KLHDC8A: variants seen among roughly 807,000 people sequenced by gnomAD.
KLHDC8A encodes the protein kelch domain containing 8A, also known as kelch domain-containing protein 8A.
A neutral mutation model predicts 33.1 loss-of-function variants in KLHDC8A; 21 were observed. The observed-to-expected ratio is 0.64, with a 90% CI of 0.45 to 0.91. The LOEUF is 0.91. Among genes scored for constraint, KLHDC8A ranks in the 40% least tolerant of loss-of-function variants. The pLI, the probability that KLHDC8A is intolerant of heterozygous loss-of-function variation, is 0.00. For missense variants in KLHDC8A, 435 were observed against 483.3 expected, an observed-to-expected ratio of 0.90 and a Z score of 0.94; for synonymous variants, 173 against 193.5, an observed-to-expected ratio of 0.89 and a Z score of 0.88.
rs766419067 is a variant in KLHDC8A at position 205,337,468 on chromosome 1, G to T, written c.984C>A (p.Leu328=). ...ACSSIVVKNC[L]LAVGGVNQGL... is the part of the protein sequence containing the mutation. Reference sequence around the variant, plus strand: ...CCTGGTTGACACCTCCCACGGCGAGGAGGCAGTTCTTGACGACTATGCTGG... The same window carrying T: ...CCTGGTTGACACCTCCCACGGCGAGTAGGCAGTTCTTGACGACTATGCTGG... Residue 328 remains leucine, a synonymous_variant, in exon 6 of 6, where the codon CTC becomes CTA. Transcript: ENST00000367155. The T allele has an allele frequency of 3.7e-6, 6 of 1,613,948 alleles. No homozygotes were observed. The Admixed American group carries it at 6.7e-5, about 18-fold the overall frequency.
rs1662718933 is a variant in KLHDC8A at position 205,339,213 on chromosome 1, G to A, written c.738C>T (p.Asp246=). The A allele has an allele frequency of 1.9e-6, 3 of 1,614,080 alleles. No individual in the cohort carries two copies. The highest frequency in any genetic ancestry group is 2.5e-6 in the Non-Finnish European group (3 of 1,179,982). Residue 246 remains aspartate (D), a synonymous_variant, in exon 4 of 6, where the codon GAC becomes GAT. Transcript: ENST00000367155. This position sits in a 1 kb window ranked among gnomAD's most constrained non-coding sequence, Gnocchi z 5.1. The stretch of plus-strand genomic sequence containing the variant: ...GCTCACCCTGTTCCATGTCGAACAC[G>A]TCCATCGTCCGCAGGAACTTGGGCT... ...YRQPKFLRTM[D]VFDMEQGGWL...
At position 205,337,040 on chromosome 1, in the gene KLHDC8A, TCCTCTCGGTC is replaced by T; in HGVS notation, c.*349_*358del. The T allele has an allele frequency of 4.0e-6, 1 of 252,020 alleles. No individual in the cohort carries two copies. Among genetic ancestry groups the T allele is most frequent in the Non-Finnish European group, 7.8e-6 (1 of 128,938 alleles). The allele number at this position is 252,020 out of a possible 1,614,324, so 15.6% of individuals were successfully genotyped here. On this transcript the variant is annotated 3_prime_UTR_variant, in exon 6 of 6. Transcript: ENST00000367155. ...GGGGAAAGACAGCAACAGCAGTCTA[TCCTCTCGGTC>T]AGAACTGCTCTACCTGCCTCCTGGA...
Position 205,338,488 on chromosome 1 carries a change from T to C in KLHDC8A, c.859+7A>G. 1 of 1,607,796 alleles carries C rather than the reference T, an allele frequency of 6.2e-7. No homozygotes were observed. ...AATAAATTCCAGCGTGAAAGCGCCA[T>C]CCTTACCAAGTCCCCCAGCCACTAT... On this transcript the variant is annotated splice_region_variant and intron_variant, in intron 5 of 5. Transcript: ENST00000367155.
intron 1 of KLHDC8A, among the ~76,000 whole-genome samples, chr1:205,355,721 T>C (rs1663248652): frequency 6.6e-6 from 1 of 152,146 alleles, no homozygotes; most frequent in Admixed American, 6.5e-5. Flanking sequence ...AGAGGTTAAA[T>C]GACTTGCCCA....
intron 2 of KLHDC8A, among the ~76,000 whole-genome samples, chr1:205,340,348 C>T (rs1027066471): frequency 1.3e-5 from 2 of 152,202 alleles, no homozygotes; most frequent in Admixed American, 1.3e-4. Context: ...TACGACTACA[C>T]GCCCTAGTCT....
In KLHDC8A at chr1:205,351,607, A is replaced by G. The variant is rs1260374288; in HGVS notation, c.-190+4926T>C. The G allele has an allele frequency of 1.1e-5, 4 of 372,128 alleles. No individual in the cohort carries two copies. In the East Asian group the frequency reaches 2.3e-4, roughly 21 times the overall value. The allele number at this position is 372,128 out of a possible 1,614,324, so 23.1% of individuals were successfully genotyped here. ...AAATAAACTTCTGTAATAGTCAAAA[A>G]AAAAAAAAAAAAAAAGAGGAGGCTT... On this transcript the variant is annotated intron_variant, in intron 1 of 5. Coordinates refer to ENST00000367155, the MANE Select transcript of KLHDC8A (RefSeq NM_018203.3).
chr1:205,346,433 C>T (rs757362660), intron 1 of KLHDC8A, among the ~76,000 whole-genome samples: 2 of 152,210 alleles, frequency 1.3e-5, no homozygotes, highest in Non-Finnish European at 2.9e-5. Context: ...TCTACCAAAG[C>T]AGTGAGGCCA....
Position 205,337,088 on chromosome 1 carries a change from G to A in KLHDC8A, c.*311C>T, listed in dbSNP as rs1159819326. 3 of 354,742 alleles carry A rather than the reference G, an allele frequency of 8.5e-6. No homozygotes were observed. Among genetic ancestry groups the A allele is most frequent in the African/African-American group, 2.2e-5 (1 of 46,428 alleles). 22.0% of individuals were successfully genotyped at this position (354,742 alleles called of 1,614,324 possible). On this transcript the variant is annotated 3_prime_UTR_variant, in exon 6 of 6. Coordinates refer to ENST00000367155, the MANE Select transcript of KLHDC8A (RefSeq NM_018203.3). ...CCTGCCTCCTGGAGATGGGGGTGGG[G>A]GGAGGTGGGACTCACAGGAGGGAGA...
At chr1:205,344,466 G>C (rs1662891745) in intron 1 of KLHDC8A, 1 of 152,322 alleles carries the variant, frequency 6.6e-6, no homozygotes, top group Non-Finnish European at 1.5e-5. Context: ...TGTCTACAGG[G>C]GGTCAAGGAA....
chr1:205,351,072 G>T (rs1270504502), intron 1 of KLHDC8A, among the ~76,000 whole-genome samples: 1 of 152,212 alleles, frequency 6.6e-6, no homozygotes, highest in African/African-American at 2.4e-5. Context: ...GAAGACAAAA[G>T]CTCATTTGTT....
intron 1 of KLHDC8A, among the ~76,000 whole-genome samples, chr1:205,355,749 C>A (rs1663249092): frequency 6.6e-6 from 1 of 152,110 alleles, no homozygotes. Context: ...ACAGCCAGAA[C>A]AGGGATGTGA....
At chr1:205,343,929 A>C in intron 1 of KLHDC8A, 136 bp from the exon 2 acceptor site, 1 of 292,826 alleles carries the variant, frequency 3.4e-6, no homozygotes, top group South Asian at 6.3e-5. Context: ...GGGCAGCACC[A>C]CACCCTGCAC....
chr1:205,337,068 C>T lies in KLHDC8A; in HGVS notation c.*331G>A. On this transcript the variant is annotated 3_prime_UTR_variant, in exon 6 of 6. Coordinates refer to ENST00000367155, the MANE Select transcript of KLHDC8A (RefSeq NM_018203.3). ...TCTCGGTCAGAACTGCTCTACCTGCCTCCTGGAGATGGGGGTGGGGGGAGG... is the reference window on the plus strand; with the variant it reads ...TCTCGGTCAGAACTGCTCTACCTGCTTCCTGGAGATGGGGGTGGGGGGAGG... 1 of 340,336 alleles carries T rather than the reference C, an allele frequency of 2.9e-6. No individual in the cohort carries two copies. Among genetic ancestry groups the T allele is most frequent in the Non-Finnish European group, 5.5e-6 (1 of 181,694 alleles). The allele number at this position is 340,336 out of a possible 1,614,324, so 21.1% of individuals were successfully genotyped here. A position where few individuals can be genotyped will look rare whatever the true frequency, so the allele number is the denominator to read the frequency against.
Position 205,337,474 on chromosome 1 carries a change from G to T in KLHDC8A, c.978C>A (p.Asn326Lys), listed in dbSNP as rs765498399. 2 of 1,614,106 alleles carry T rather than the reference G, an allele frequency of 1.2e-6. No individual in the cohort carries two copies. The highest frequency in any genetic ancestry group is 1.7e-6 in the Non-Finnish European group (2 of 1,179,996). ...RCACSSIVVKNCLLAVGGVNQ... is the reference protein window; with the variant it reads ...RCACSSIVVKKCLLAVGGVNQ... The stretch of plus-strand genomic sequence containing the variant: ...TGACACCTCCCACGGCGAGGAGGCA[G>T]TTCTTGACGACTATGCTGGAGCAGG... Residue 326 changes from asparagine (N) to lysine (K), a missense_variant, in exon 6 of 6, where the codon AAC (asparagine) becomes AAA (lysine). Physicochemically the swap from Asn to Lys is moderately conservative, Grantham distance 94. Coordinates refer to ENST00000367155, the MANE Select transcript of KLHDC8A (RefSeq NM_018203.3).
chr1:205,345,879 A>C (rs1036294992), intron 1 of KLHDC8A, among the ~76,000 whole-genome samples: 3 of 152,226 alleles, frequency 2.0e-5, no homozygotes, highest in African/African-American at 7.2e-5. Context: ...ATTCGAGACC[A>C]GCCTGGCCAA....
At chr1:205,350,938 G>C (rs1663085922) in intron 1 of KLHDC8A, among the ~76,000 whole-genome samples, 1 of 152,218 alleles carries the variant, frequency 6.6e-6, no homozygotes, top group Non-Finnish European at 1.5e-5. Context: ...CAGACCCACA[G>C]TCCAGCCCCA....
At position 205,339,886 on chromosome 1, in the gene KLHDC8A, C is replaced by T; in HGVS notation, c.377-78G>A. Reference sequence around the variant, plus strand: ...CAGGCCCACCAGCATCTATTGCCTCCCATGGCCAGGCCAAGCTTTCAACCA... The same window carrying T: ...CAGGCCCACCAGCATCTATTGCCTCTCATGGCCAGGCCAAGCTTTCAACCA... On this transcript the variant is annotated intron_variant, in intron 2 of 5. Coordinates refer to ENST00000367155, the MANE Select transcript of KLHDC8A (RefSeq NM_018203.3). This position sits in a 1 kb window ranked among gnomAD's most constrained non-coding sequence, Gnocchi z 5.1. The T allele has an allele frequency of 7.1e-7, 1 of 1,404,448 alleles. No individual in the cohort carries two copies. The highest frequency in any genetic ancestry group is 1.3e-5 in the South Asian group (1 of 76,658). 87.0% of individuals were successfully genotyped at this position (1,404,448 alleles called of 1,614,324 possible).
Position 205,356,835 on chromosome 1 carries a change from A to T in KLHDC8A, c.-492T>A. The T allele has an allele frequency of 3.5e-6, 1 of 282,684 alleles. No individual in the cohort carries two copies. The highest frequency in any genetic ancestry group is 7.1e-6 in the Non-Finnish European group (1 of 140,840). 17.5% of individuals were successfully genotyped at this position (282,684 alleles called of 1,614,324 possible). A position where few individuals can be genotyped will look rare whatever the true frequency, so the allele number is the denominator to read the frequency against. ...GAGTTCCAGGAGGCGTGACCCCCCT[A>T]CTGAGAGGGCCTCAGCCAGCTCGTC... On this transcript the variant is annotated 5_prime_UTR_variant, in exon 1 of 6. Coordinates refer to ENST00000367155, the MANE Select transcript of KLHDC8A (RefSeq NM_018203.3).
chr1:205,355,343 G>T (rs1188148267), intron 1 of KLHDC8A, among the ~76,000 whole-genome samples: 1 of 152,144 alleles, frequency 6.6e-6, no homozygotes, highest in Non-Finnish European at 1.5e-5. Flanking sequence ...CCTGCTTGTT[G>T]ACATTCTATT....
Sources: gnomAD v4.1 joint callset for allele counts (sites outside exome capture counted in the v4.1 genomes callset) on GRCh38, gnomAD v4.1.1 for gene constraint, Gnocchi (gnomAD v3.1) non-coding constraint, MANE v1.5 for transcripts, NCBI Gene and HGNC (gene_info 2026-07-23, HGNC 2026-07-21) for gene names.